Variants in ST6GALNAC3 observed in about 807,000 individuals in gnomAD.
ST6GALNAC3 encodes the protein ST6 N-acetylgalactosaminide alpha-2,6-sialyltransferase 3.
ST6GALNAC3 carries 25 observed loss-of-function variants against 32.7 expected under a neutral mutation model. That is an observed-to-expected ratio of 0.76 (90% CI 0.56 to 1.07). The LOEUF (loss-of-function observed/expected upper bound fraction) is 1.07. Among genes scored for constraint, ST6GALNAC3 ranks in the 50% least tolerant of loss-of-function variants. The pLI is 0.00. For synonymous variants in ST6GALNAC3, 129 were observed against 133.1 expected, an observed-to-expected ratio of 0.97 and a Z score of 0.21; for missense variants, 355 against 382.4, an observed-to-expected ratio of 0.93 and a Z score of 0.60.
intron 2 of ST6GALNAC3, among the ~76,000 whole-genome samples, chr1:76,410,649 C>T (rs1350739209): frequency 6.6e-6 from 1 of 152,060 alleles, no homozygotes; most frequent in Non-Finnish European, 1.5e-5. Context: ...GGAACTGTGC[C>T]TGACACATCG....
intron 3 of ST6GALNAC3, among the ~76,000 whole-genome samples, chr1:76,451,089 C>T (rs547809003): frequency 1.3e-5 from 2 of 152,140 alleles, no homozygotes; most frequent in African/African-American, 4.8e-5. Context: ...CTGTGAAGAA[C>T]GATGGTTGTA....
intron 1 of ST6GALNAC3, among the ~76,000 whole-genome samples, chr1:76,174,749 C>G (rs1304704359): frequency 6.6e-6 from 1 of 151,592 alleles, no homozygotes; most frequent in East Asian, 1.9e-4. Flanking sequence ...TCACTGCAAC[C>G]TCCACCTCCT....
chr1:76,584,889 A>C (rs1253525396), intron 3 of ST6GALNAC3, among the ~76,000 whole-genome samples: 11 of 152,202 alleles, frequency 7.2e-5, no homozygotes, highest in African/African-American at 2.7e-4. Flanking sequence ...CAGAGGCCTT[A>C]TGTAATATAT....
At chr1:76,623,352 C>A (rs1384821652) in intron 3 of ST6GALNAC3, among the ~76,000 whole-genome samples, 1 of 151,920 alleles carries the variant, frequency 6.6e-6, no homozygotes, top group Admixed American at 6.6e-5. Flanking sequence ...CTTCACACGC[C>A]TGCCTTTATT....
intron 1 of ST6GALNAC3, among the ~76,000 whole-genome samples, chr1:76,150,513 A>C: frequency 6.6e-6 from 1 of 152,044 alleles, no homozygotes; most frequent in East Asian, 1.9e-4. Flanking sequence ...CTGCCTTGGA[A>C]TTTCTTTGAA....
At chr1:76,187,035 A>C (rs565475384) in intron 1 of ST6GALNAC3, among the ~76,000 whole-genome samples, 1 of 152,242 alleles carries the variant, frequency 6.6e-6, no homozygotes, top group East Asian at 1.9e-4. Flanking sequence ...AGATTTTTTA[A>C]AACTCAAAAT....
intron 1 of ST6GALNAC3, among the ~76,000 whole-genome samples, chr1:76,079,930 C>A (rs1571097536): frequency 1.3e-5 from 2 of 152,188 alleles, no homozygotes; most frequent in Admixed American, 6.5e-5. Context: ...CCTGTAGTAG[C>A]AGGTATTACC....
intron 1 of ST6GALNAC3, among the ~76,000 whole-genome samples, chr1:76,148,510 T>G (rs407010): frequency 6.6e-6 from 1 of 152,232 alleles, no homozygotes; most frequent in African/African-American, 2.4e-5. Context: ...TTATTTTTCT[T>G]TATTATTTGC....
intron 1 of ST6GALNAC3, among the ~76,000 whole-genome samples, chr1:76,094,951 C>T (rs1647104562): frequency 6.6e-6 from 1 of 151,618 alleles, no homozygotes; most frequent in Admixed American, 6.6e-5. Flanking sequence ...ACCTAGCCTT[C>T]TTTCTTCTTC....
chr1:76,237,340 G>A (rs1656714861), intron 1 of ST6GALNAC3, among the ~76,000 whole-genome samples: 1 of 152,098 alleles, frequency 6.6e-6, no homozygotes, highest in African/African-American at 2.4e-5. Context: ...CACTGGGTTG[G>A]CCAGGCTGAT....
At chr1:76,234,989 G>C (rs1276719610) in intron 1 of ST6GALNAC3, among the ~76,000 whole-genome samples, 1 of 152,156 alleles carries the variant, frequency 6.6e-6, no homozygotes, top group African/African-American at 2.4e-5. Context: ...AAGGAGTGTG[G>C]GCTTCAGCTT....
At chr1:76,624,150 C>T (rs975578094) in intron 3 of ST6GALNAC3, among the ~76,000 whole-genome samples, 5 of 151,860 alleles carry the variant, frequency 3.3e-5, no homozygotes, top group Admixed American at 2.0e-4. Context: ...TATGAGCCTC[C>T]CCCATCTGAA....
chr1:76,316,413 C>T (rs1431842317), intron 2 of ST6GALNAC3, among the ~76,000 whole-genome samples: 1 of 151,974 alleles, frequency 6.6e-6, no homozygotes, highest in Non-Finnish European at 1.5e-5. Context: ...GAATTAGAGT[C>T]GTGCCACATA....
chr1:76,512,060 G>C (rs941174284), intron 3 of ST6GALNAC3, among the ~76,000 whole-genome samples: 4 of 152,052 alleles, frequency 2.6e-5, no homozygotes, highest in African/African-American at 7.2e-5. Context: ...CTGTATCTTA[G>C]GATCCAAGTT....
chr1:76,350,533 C>T lies in ST6GALNAC3; in HGVS notation c.213+36534C>T, dbSNP rs147998317. 6.3e-3 allele frequency among the ~76,000 whole-genome samples: 952 copies of T among 152,002 alleles called. 3 individuals carry two copies. Among genetic ancestry groups the T allele is most frequent in the South Asian group, 0.022 (104 of 4,802 alleles). ...CATTTTAAAAACATTAGTTTGAATC[C>T]GATTTCTTCAGTTCAAGTGCAATTA... On this transcript the variant is annotated intron_variant, in intron 2 of 4. Coordinates refer to ENST00000328299, the MANE Select transcript of ST6GALNAC3 (RefSeq NM_152996.4).
At chr1:76,314,974 C>G (rs151256726) in intron 2 of ST6GALNAC3, among the ~76,000 whole-genome samples, 16 of 151,924 alleles carry the variant, frequency 1.1e-4, no homozygotes, top group African/African-American at 1.2e-4. Context: ...TGGTCTACCC[C>G]CTTTTGTAGT....
chr1:76,455,736 C>T (rs1657729500), intron 3 of ST6GALNAC3, among the ~76,000 whole-genome samples: 1 of 152,138 alleles, frequency 6.6e-6, no homozygotes, highest in Non-Finnish European at 1.5e-5. Flanking sequence ...TACTCTGTTC[C>T]TCTTTTACCC....
intron 1 of ST6GALNAC3, among the ~76,000 whole-genome samples, chr1:76,099,546 T>C (rs1158627770): frequency 1.3e-5 from 2 of 150,998 alleles, no homozygotes; most frequent in Non-Finnish European, 2.9e-5. Flanking sequence ...CTCCAAAACA[T>C]TACATTAAGC....
intron 1 of ST6GALNAC3, among the ~76,000 whole-genome samples, chr1:76,306,904 A>G (rs933371183): frequency 6.6e-6 from 1 of 152,090 alleles, no homozygotes; most frequent in Non-Finnish European, 1.5e-5. Context: ...CTGCTACAAG[A>G]TAACATAAAA....
Sources: allele counts gnomAD v4.1 joint callset (sites outside exome capture counted in the v4.1 genomes callset), GRCh38; gene constraint gnomAD v4.1.1; transcripts MANE v1.5; gene names NCBI Gene and HGNC (gene_info 2026-07-23, HGNC 2026-07-21).